OR1L8: variants seen among roughly 807,000 people sequenced by gnomAD.
The protein encoded by OR1L8 is olfactory receptor 1L8.
For missense variants in OR1L8, 330 were observed against 377.4 expected (o/e 0.87, Z 1.04); for synonymous variants, 148 against 147.0 (o/e 1.01, Z -0.05).
At chr9:122,583,185 T>A (rs1024296610) in intron 1 of OR1L8, 136 bp downstream of exon 1, 1 of 151,992 alleles carries the variant, frequency 6.6e-6, no homozygotes, top group Non-Finnish European at 1.5e-5. Context: ...ACGCCCCTAT[T>A]CACTCTAGTC....
At chr9:122,581,509 G>T (rs959551) in intron 1 of OR1L8, among the ~76,000 whole-genome samples, 10,445 of 152,110 alleles carry the variant, frequency 0.069, 620 homozygotes, top group East Asian at 0.27. Flanking sequence ...CTAGCAATTA[G>T]GCAAACTAAA....
the OR1L8 span, chr9:122,553,941 T>A: frequency 6.2e-7 from 1 of 1,613,806 alleles, no homozygotes; most frequent in East Asian, 2.2e-5. Flanking sequence ...CTTCTCTACC[T>A]GTGGTTCTCA....
At chr9:122,582,018 AGGAGATCATGGTAT>A (rs1003172294) in intron 1 of OR1L8, among the ~76,000 whole-genome samples, 2 of 152,202 alleles carry the variant, frequency 1.3e-5, no homozygotes, top group African/African-American at 4.8e-5. Flanking sequence ...AAGCATGGGG[AGGAGATCATGGTAT>A]TGGAGACCTT....
chr9:122,558,643 T>G, the OR1L8 span, among the ~76,000 whole-genome samples: 3 of 151,638 alleles, frequency 2.0e-5, no homozygotes, highest in Admixed American at 2.0e-4. Flanking sequence ...TGGTCCAAAT[T>G]ATTAGGTTTG....
chr9:122,550,254 A>G, the OR1L8 span, among the ~76,000 whole-genome samples: 18 of 152,284 alleles, frequency 1.2e-4, no homozygotes, highest in South Asian at 2.1e-3. Context: ...ATTGAATCAT[A>G]CAATCTCCCA....
chr9:122,552,811 G>T, the OR1L8 span, among the ~76,000 whole-genome samples: 1 of 146,488 alleles, frequency 6.8e-6, no homozygotes, highest in African/African-American at 2.5e-5. Flanking sequence ...AGGAGGGGTA[G>T]GAGTTTGATG....
the OR1L8 span, chr9:122,554,256 G>T: frequency 2.5e-5 from 24 of 972,950 alleles, no homozygotes; most frequent in Admixed American, 3.1e-4. Flanking sequence ...GATATTAGGG[G>T]AAGGTTATCC....
intron 3 of OR1L8, among the ~76,000 whole-genome samples, chr9:122,576,225 T>A (rs1308669663): frequency 6.6e-6 from 1 of 151,516 alleles, no homozygotes; most frequent in African/African-American, 2.4e-5. Flanking sequence ...TTTTTTACAT[T>A]TTTTTTTATT....
chr9:122,570,943 A>T (rs1829536382), intron 4 of OR1L8, among the ~76,000 whole-genome samples: 1 of 152,192 alleles, frequency 6.6e-6, no homozygotes, highest in Admixed American at 6.5e-5. Context: ...AGGCTTAGAG[A>T]GGTGAAGTGA....
chr9:122,561,828 C>G, the OR1L8 span, among the ~76,000 whole-genome samples: 1 of 152,146 alleles, frequency 6.6e-6, no homozygotes, highest in Admixed American at 6.5e-5. Flanking sequence ...GCACTGGGAG[C>G]AGGACCCATT....
At chr9:122,577,255 A>G (rs61109256) in intron 2 of OR1L8, among the ~76,000 whole-genome samples, 4,022 of 152,282 alleles carry the variant, frequency 0.026, 124 homozygotes, top group African/African-American at 0.071. Flanking sequence ...GTATAAGCCC[A>G]TATAGACATA....
chr9:122,569,927 G>T (rs1829510771), intron 4 of OR1L8, among the ~76,000 whole-genome samples: 1 of 151,152 alleles, frequency 6.6e-6, no homozygotes, highest in Non-Finnish European at 1.5e-5. Flanking sequence ...AGAATATGCG[G>T]TGTTTGGTTT....
downstream of OR1L8, among the ~76,000 whole-genome samples, chr9:122,564,865 A>G (rs1829404323): frequency 6.6e-6 from 1 of 152,212 alleles, no homozygotes; most frequent in Non-Finnish European, 1.5e-5. Flanking sequence ...CTGCAGCCCC[A>G]TGTCATAATC....
chr9:122,553,675 C>G, the OR1L8 span: 1 of 1,614,144 alleles, frequency 6.2e-7, no homozygotes, highest in Non-Finnish European at 8.5e-7. Context: ...TGGGTGCTAA[C>G]CAACTGTCCT....
At chr9:122,571,325 G>A (rs886175540) in intron 4 of OR1L8, among the ~76,000 whole-genome samples, 10 of 151,942 alleles carry the variant, frequency 6.6e-5, no homozygotes, top group African/African-American at 2.2e-4. Context: ...GCTGAGGCAG[G>A]CGGATCACAA....
At chr9:122,581,023 T>G (rs1829732452) in intron 1 of OR1L8, among the ~76,000 whole-genome samples, 1 of 152,120 alleles carries the variant, frequency 6.6e-6, no homozygotes, top group Admixed American at 6.6e-5. Flanking sequence ...CTAAAAAGAA[T>G]TCGACTGAAT....
chr9:122,551,292 T>C, the OR1L8 span, among the ~76,000 whole-genome samples: 45,752 of 152,008 alleles, frequency 0.3, 7,410 homozygotes, highest in East Asian at 0.54. Flanking sequence ...GGGATTCCAC[T>C]CTCTCCACTT....
chr9:122,568,299 A>G lies in OR1L8; in HGVS notation c.179T>C (p.Met60Thr), dbSNP rs771789373. The change falls in exon 5 of 5, where the codon ATG becomes ACG. Residue 60 changes from methionine (M) to threonine (T), a missense_variant. Physicochemically the swap from Met to Thr is moderately conservative, Grantham distance 81. Transcript: ENST00000641027. ...IRFNPHLQTP[M>T]YFFLSFLSLT... is the part of the protein sequence containing the mutation. ...AGACAGAAAACTCAAGAAGAAATAC[A>G]TAGGGGTCTGAAGATGGGGGTTGAA... 5 of 1,613,990 alleles carry G rather than the reference A, an allele frequency of 3.1e-6. No individual in the cohort carries two copies. In the African/African-American group the frequency reaches 5.3e-5, roughly 17 times the overall value.
In OR1L8 at chr9:122,568,523, C is replaced by A. The variant is rs764323404; in HGVS notation, c.-46G>T. The A allele has an allele frequency of 2.6e-6, 3 of 1,144,022 alleles. No individual in the cohort carries two copies. The highest frequency in any genetic ancestry group is 3.8e-6 in the Non-Finnish European group (3 of 794,346). The allele number at this position is 1,144,022 out of a possible 1,614,324, so 70.9% of individuals were successfully genotyped here. ...ACAAGAAGTTTTGTCATTTAACATG[C>A]TCTGATTTCATAACACCAATCATGA... On this transcript the variant is annotated 5_prime_UTR_variant, in exon 5 of 5. Coordinates refer to ENST00000641027, the MANE Select transcript of OR1L8 (RefSeq NM_001004454.2).
Sources: allele counts gnomAD v4.1 joint callset (sites outside exome capture counted in the v4.1 genomes callset), GRCh38; gene constraint gnomAD v4.1.1; transcripts MANE v1.5; gene names NCBI Gene and HGNC (gene_info 2026-07-23, HGNC 2026-07-21).